CAMK2D: variants seen among roughly 807,000 people sequenced by gnomAD.
CAMK2D encodes calcium/calmodulin dependent protein kinase II delta.
Under a neutral mutation model 84.0 loss-of-function variants are expected in CAMK2D, and 37 were observed. The ratio of observed to expected loss-of-function variants is 0.44; its 90% confidence interval spans 0.34 to 0.58. The LOEUF (loss-of-function observed/expected upper bound fraction) is 0.58, where lower values mean the gene tolerates loss of function less well. CAMK2D is among the 20% of genes least tolerant of loss of function. The pLI, the probability that CAMK2D is intolerant of heterozygous loss-of-function variation, is 0.02. For synonymous variants in CAMK2D, 202 were observed against 212.5 expected, an observed-to-expected ratio of 0.95 and a Z score of 0.43; for missense variants, 448 against 652.5, an observed-to-expected ratio of 0.69 and a Z score of 3.41.
chr4:113,465,331 C>T (rs947980196), intron 17 of CAMK2D, among the ~76,000 whole-genome samples, 198 bp downstream of exon 17: 1 of 152,140 alleles, frequency 6.6e-6, no homozygotes, highest in African/African-American at 2.4e-5. Context: ...CTGTGCCTGG[C>T]CTCTGAAATC....
At chr4:113,535,319 G>C (rs1446577371) in intron 7 of CAMK2D, among the ~76,000 whole-genome samples, 1 of 152,060 alleles carries the variant, frequency 6.6e-6, no homozygotes, top group Non-Finnish European at 1.5e-5. Flanking sequence ...TGTCTGATCT[G>C]TATGTTATTT....
At chr4:113,680,332 CA>C (rs1218601943) in intron 2 of CAMK2D, among the ~76,000 whole-genome samples, 1 of 152,140 alleles carries the variant, frequency 6.6e-6, no homozygotes, top group Non-Finnish European at 1.5e-5. Context: ...CACTCTAGAA[CA>C]AACGCTGTCC....
At chr4:113,552,490 G>A (rs1265481144) in intron 4 of CAMK2D, among the ~76,000 whole-genome samples, 1 of 152,090 alleles carries the variant, frequency 6.6e-6, no homozygotes, top group African/African-American at 2.4e-5. Context: ...GTATCCTTTT[G>A]CTATTTTTGC....
At chr4:113,536,557 AAGTC>A (rs1000108882) in intron 7 of CAMK2D, among the ~76,000 whole-genome samples, 1 of 152,236 alleles carries the variant, frequency 6.6e-6, no homozygotes, top group Non-Finnish European at 1.5e-5. Flanking sequence ...AACACACCGA[AAGTC>A]AGAAGACAAG....
intron 3 of CAMK2D, among the ~76,000 whole-genome samples, chr4:113,611,071 C>T (rs889719222): frequency 2.0e-5 from 3 of 148,484 alleles, no homozygotes; most frequent in Non-Finnish European, 4.5e-5. Context: ...CACACACACA[C>T]ACACACAATG....
chr4:113,455,880 C>T (rs1029784287), intron 19 of CAMK2D, 59 bp from the exon 20 acceptor site: 5 of 1,004,960 alleles, frequency 5.0e-6, no homozygotes, highest in African/African-American at 4.8e-5. Context: ...CTTGAATAGG[C>T]TTCATCCCAT....
rs765571056 is a variant in CAMK2D at position 113,465,561 on chromosome 4, T to A, written c.1179A>T (p.Glu393Asp). The A allele has an allele frequency of 6.2e-7, 1 of 1,613,246 alleles. No individual in the cohort carries two copies. Among genetic ancestry groups the A allele is most frequent in the Non-Finnish European group, 8.5e-7 (1 of 1,179,364 alleles). ...EIIKVTEQLI[E>D]AINNGDFEAY... ...CTTCAAAGTCCCCATTGTTGATAGC[T>A]TCGATCAGTTGTTCAGTGACTTTGA... The change falls in exon 17 of 21, where the codon GAA (glutamate) becomes GAT (aspartate). Residue 393 changes from glutamate to aspartate, a missense_variant. This residue lies in a region of CAMK2D where 219 missense variants were observed against 272.1 expected (regional missense o/e 0.80). Transcript: ENST00000511664.
At chr4:113,643,663 C>G (rs992823347) in intron 3 of CAMK2D, among the ~76,000 whole-genome samples, 1 of 152,234 alleles carries the variant, frequency 6.6e-6, no homozygotes, top group Non-Finnish European at 1.5e-5. Context: ...GTATCTCCCA[C>G]GCTTAGCAGC....
chr4:113,613,778 C>T (rs2099010369), intron 3 of CAMK2D, among the ~76,000 whole-genome samples: 2 of 152,112 alleles, frequency 1.3e-5, no homozygotes, highest in African/African-American at 4.8e-5. Flanking sequence ...GCTTACCCAA[C>T]ATACAAAATA....
chr4:113,513,275 A>C (rs1242507319), intron 12 of CAMK2D, 53 bp downstream of exon 12: 93 of 1,586,244 alleles, frequency 5.9e-5, no homozygotes, highest in Non-Finnish European at 7.8e-5. Context: ...AAAAACAGAG[A>C]CTACTTAAAA....
chr4:113,548,984 A>G (rs1352943594), intron 5 of CAMK2D, among the ~76,000 whole-genome samples: 2 of 152,232 alleles, frequency 1.3e-5, no homozygotes, highest in African/African-American at 2.4e-5. Flanking sequence ...TTTCATTGTA[A>G]GTGTACAAAT....
intron 12 of CAMK2D, 65 bp downstream of exon 12, chr4:113,513,262 CA>C: frequency 1.3e-6 from 2 of 1,579,188 alleles, no homozygotes; most frequent in South Asian, 1.2e-5. Context: ...ATTCCAGAGA[CA>C]AAAAAACAGA....
chr4:113,514,412 TCAAAA>T (rs547373814), intron 10 of CAMK2D, among the ~76,000 whole-genome samples: 8 of 152,106 alleles, frequency 5.3e-5, no homozygotes, highest in Non-Finnish European at 7.4e-5. Context: ...AGACTCTGTC[TCAAAA>T]CAAAACAAAA....
chr4:113,494,453 G>T (rs1048097705), intron 16 of CAMK2D, among the ~76,000 whole-genome samples: 3 of 152,156 alleles, frequency 2.0e-5, no homozygotes, highest in African/African-American at 7.2e-5. Context: ...AGGCTGCTCG[G>T]GGGTCAGGGG....
chr4:113,480,122 G>A (rs1175373013), intron 16 of CAMK2D, among the ~76,000 whole-genome samples: 5 of 151,922 alleles, frequency 3.3e-5, no homozygotes, highest in African/African-American at 4.8e-5. Context: ...CCGCCACACC[G>A]GCTAATTTCT....
intron 8 of CAMK2D, among the ~76,000 whole-genome samples, chr4:113,524,243 G>A (rs2098399336): frequency 6.6e-6 from 1 of 152,112 alleles, no homozygotes; most frequent in Non-Finnish European, 1.5e-5. Flanking sequence ...CAGATCTCCA[G>A]TTTGTTTTCA....
intron 2 of CAMK2D, among the ~76,000 whole-genome samples, chr4:113,701,618 T>C (rs1475751633): frequency 6.6e-6 from 1 of 152,160 alleles, no homozygotes; most frequent in Non-Finnish European, 1.5e-5. Context: ...CATTCGTCAC[T>C]GAATATGGGC....
intron 4 of CAMK2D, among the ~76,000 whole-genome samples, chr4:113,554,062 T>C (rs2098648038): frequency 6.6e-6 from 1 of 152,118 alleles, no homozygotes. Context: ...TTGATTAAAG[T>C]CTACTGACAT....
In CAMK2D at chr4:113,674,506, T is replaced by C. The variant is rs145587292; in HGVS notation, c.161-12734A>G. ...TCTGCCTGGCTTGATGCCCACAGTT[T>C]ACAAGGAAGCATATTCAATGCCACT... On this transcript the variant is annotated intron_variant, in intron 2 of 20. Coordinates refer to ENST00000511664, the MANE Select transcript of CAMK2D (RefSeq NM_001321571.2). 4.0e-3 allele frequency among the ~76,000 whole-genome samples: 605 copies of C among 152,292 alleles called. 5 individuals carry two copies. The highest frequency in any genetic ancestry group is 0.014 in the African/African-American group (566 of 41,568).
Sources: gnomAD v4.1 joint callset for allele counts (sites outside exome capture counted in the v4.1 genomes callset) on GRCh38, gnomAD v4.1.1 for gene constraint, gnomAD v4.1.1 regional missense constraint, MANE v1.5 for transcripts, NCBI Gene and HGNC (gene_info 2026-07-23, HGNC 2026-07-21) for gene names.